Variants in GDAP1L1 observed in about 807,000 individuals in gnomAD.
GDAP1L1 encodes ganglioside-induced differentiation-associated protein 1-like 1.
GDAP1L1 carries 21 observed loss-of-function variants against 37.1 expected under a neutral mutation model. The ratio of observed to expected loss-of-function variants is 0.57; its 90% CI spans 0.40 to 0.81. GDAP1L1 has a LOEUF of 0.81. Ranked by LOEUF, GDAP1L1 falls within the 40% of genes least tolerant of loss-of-function variation. The probability of loss-of-function intolerance (pLI) is 0.00; values close to 1 mark genes in which losing one functional copy is unlikely to be tolerated. For missense variants in GDAP1L1, 362 were observed against 491.6 expected (o/e 0.74, Z 2.49); for synonymous variants, 193 against 209.1 (o/e 0.92, Z 0.67).
chr20:44,279,155 C>G lies in GDAP1L1; in HGVS notation c.959C>G (p.Thr320Ser). 6.2e-7 allele frequency: 1 copy of G among 1,614,044 alleles called. No homozygotes were observed. The highest frequency in any genetic ancestry group is 8.5e-7 in the Non-Finnish European group (1 of 1,179,894). Reference protein sequence around the residue: ...AFRKVLGDIHTTLLSAVIPNA... With the variant: ...AFRKVLGDIHSTLLSAVIPNA... ...CGGAAAGTCCTGGGTGACATCCACA[C>G]CACCCTGCTGTCGGCCGTCATCCCC... Residue 320 changes from threonine (T) to serine (S), a missense_variant, in exon 6 of 6, where the codon ACC becomes AGC. Physicochemically the swap from Thr to Ser is moderately conservative, Grantham distance 58. This residue lies in a region of GDAP1L1 where 85 missense variants were observed against 154.4 expected (regional missense o/e 0.55). Transcript: ENST00000342560.
chr20:44,272,077 T>C (rs774154199), intron 5 of GDAP1L1, among the ~76,000 whole-genome samples: 1 of 152,212 alleles, frequency 6.6e-6, no homozygotes, highest in Non-Finnish European at 1.5e-5. Context: ...CCCTGCTTCC[T>C]ACTTGCCTAA....
At chr20:44,264,771 G>T (rs1174999859) in intron 5 of GDAP1L1, 11 of 1,215,974 alleles carry the variant, frequency 9.0e-6, no homozygotes, top group Non-Finnish European at 1.2e-5. Flanking sequence ...CTGAAATTCA[G>T]TTTCCCATCT....
chr20:44,247,862 G>T (rs2073363346), intron 1 of GDAP1L1, among the ~76,000 whole-genome samples: 1 of 152,132 alleles, frequency 6.6e-6, no homozygotes, highest in African/African-American at 2.4e-5. Flanking sequence ...GCGGCTTGGT[G>T]GGGTGGGAGG....
chr20:44,271,982 G>A (rs1367690463), intron 5 of GDAP1L1, among the ~76,000 whole-genome samples: 1 of 152,192 alleles, frequency 6.6e-6, no homozygotes, highest in Non-Finnish European at 1.5e-5. Context: ...CTGGACAGAG[G>A]TGGTCACTGC....
In GDAP1L1 at chr20:44,269,801, C is replaced by T. The variant is rs533561766; in HGVS notation, c.760+5242C>T. On this transcript the variant is annotated intron_variant, in intron 5 of 5. Transcript: ENST00000342560. The stretch of plus-strand genomic sequence containing the variant: ...AAAGAATTAGCCGGGTGTGGTGGCA[C>T]GTGCCTGTAATCCCAGCTATTTGGA... Among the ~76,000 whole-genome samples, 26 of 152,210 alleles carry T rather than the reference C, an allele frequency of 1.7e-4. 1 individual carries two copies. Among genetic ancestry groups the T allele is most frequent in the African/African-American group, 5.8e-4 (24 of 41,544 alleles).
At chr20:44,264,770 A>G in intron 5 of GDAP1L1, 3 of 1,218,866 alleles carry the variant, frequency 2.5e-6, no homozygotes, top group Non-Finnish European at 3.2e-6. Context: ...TCTGAAATTC[A>G]GTTTCCCATC....
At chr20:44,268,669 A>T (rs561317741) in intron 5 of GDAP1L1, among the ~76,000 whole-genome samples, 2 of 152,370 alleles carry the variant, frequency 1.3e-5, no homozygotes, top group East Asian at 3.9e-4. Context: ...CTGAAGGATG[A>T]GAAGGAGCCT....
At chr20:44,269,013 C>G (rs954036194) in intron 5 of GDAP1L1, among the ~76,000 whole-genome samples, 1 of 152,126 alleles carries the variant, frequency 6.6e-6, no homozygotes, top group East Asian at 1.9e-4. Context: ...GCAGTATGGG[C>G]TGGGCTCAGC....
chr20:44,264,639 T>G (rs2073733040), intron 5 of GDAP1L1, 80 bp downstream of exon 5: 1 of 1,539,188 alleles, frequency 6.5e-7, no homozygotes, highest in African/African-American at 1.4e-5. Context: ...GCCTCTTTTT[T>G]CCGCAAAAGT....
At chr20:44,258,305 C>A (rs1568649970) in intron 2 of GDAP1L1, 129 bp from the exon 3 acceptor site, 1 of 912,308 alleles carries the variant, frequency 1.1e-6, no homozygotes. Flanking sequence ...CCGCCAGCAG[C>A]CAAGCCCGAG....
chr20:44,272,314 T>C lies in GDAP1L1; in HGVS notation c.761-6643T>C, dbSNP rs559841502. 3.9e-5 allele frequency among the ~76,000 whole-genome samples: 6 copies of C among 152,148 alleles called. No homozygotes were observed. In the South Asian group the frequency reaches 1.0e-3, roughly 26 times the overall value. ...AGCAGTATGGAGCGGTTTTGCAGCA[T>C]TGAGGTGGGGAGTGTGGGCTTTCAT... On this transcript the variant is annotated intron_variant, in intron 5 of 5. Transcript: ENST00000342560.
At chr20:44,264,591 G>T in intron 5 of GDAP1L1, 32 bp downstream of exon 5, 1 of 1,600,206 alleles carries the variant, frequency 6.2e-7, no homozygotes, top group Non-Finnish European at 8.5e-7. Flanking sequence ...GGTGGGGGCT[G>T]CAGCCCACCC....
At position 44,256,373 on chromosome 20, in the gene GDAP1L1, A is replaced by G. The variant is rs112097635; in HGVS notation, c.181-780A>G. ...AGAAATTTAGCTGTTGATTATGATA[A>G]TAATAAGAGTTTCTGACCAGGCACG... is the stretch of plus-strand genomic sequence containing the variant. On this transcript the variant is annotated intron_variant, in intron 1 of 5. Coordinates refer to ENST00000342560, the MANE Select transcript of GDAP1L1 (RefSeq NM_024034.6). Among the ~76,000 whole-genome samples the G allele has an allele frequency of 5.3e-3, 810 of 152,272 alleles. 11 individuals are homozygous for G. The highest frequency in any genetic ancestry group is 0.019 in the African/African-American group (785 of 41,546).
intron 5 of GDAP1L1, among the ~76,000 whole-genome samples, chr20:44,269,069 C>T (rs2062485804): frequency 6.6e-6 from 1 of 152,158 alleles, no homozygotes; most frequent in South Asian, 2.1e-4. Flanking sequence ...GACCTCATTC[C>T]TGCATTTGCG....
intron 5 of GDAP1L1, among the ~76,000 whole-genome samples, chr20:44,272,377 G>A (rs984502552): frequency 1.3e-5 from 2 of 152,192 alleles, no homozygotes; most frequent in Non-Finnish European, 1.5e-5. Context: ...ACCATGAGGT[G>A]ATGTCATTGG....
At chr20:44,271,801 G>A (rs2062518841) in intron 5 of GDAP1L1, among the ~76,000 whole-genome samples, 1 of 152,148 alleles carries the variant, frequency 6.6e-6, no homozygotes, top group South Asian at 2.1e-4. Context: ...GGTTCAGGCA[G>A]GGGCCCCGTA....
At chr20:44,258,709 C>G (rs1017700900) in intron 3 of GDAP1L1, 102 bp downstream of exon 3, 13 of 801,662 alleles carry the variant, frequency 1.6e-5, no homozygotes, top group East Asian at 2.7e-5. Context: ...CTCTGTCCTC[C>G]CCTTCCTCCT....
At chr20:44,263,406 A>G in intron 4 of GDAP1L1, 79 bp downstream of exon 4, 1 of 980,298 alleles carries the variant, frequency 1.0e-6, no homozygotes, top group Non-Finnish European at 1.6e-6. Context: ...AACTAAGTAG[A>G]AGATCAGCTG....
chr20:44,267,219 C>A lies in GDAP1L1; in HGVS notation c.760+2660C>A, dbSNP rs572452175. Among the ~76,000 whole-genome samples, 15 of 152,298 alleles carry A rather than the reference C, an allele frequency of 9.8e-5. No homozygotes were observed. The East Asian group carries it at 2.5e-3, about 25-fold the overall frequency. On this transcript the variant is annotated intron_variant, in intron 5 of 5. Coordinates refer to ENST00000342560, the MANE Select transcript of GDAP1L1 (RefSeq NM_024034.6). ...TCAACTCACTTAATCCCCATAACAACCCCAGGAGGTGGGTAATATCAGCGA... is the reference window on the plus strand; with the variant it reads ...TCAACTCACTTAATCCCCATAACAAACCCAGGAGGTGGGTAATATCAGCGA...
Sources: allele counts gnomAD v4.1 joint callset (sites outside exome capture counted in the v4.1 genomes callset), GRCh38; gene constraint gnomAD v4.1.1; regional missense constraint gnomAD v4.1.1; transcripts MANE v1.5; gene names NCBI Gene and HGNC (gene_info 2026-07-23, HGNC 2026-07-21).